Variants in GPC5 observed in about 807,000 individuals in gnomAD.
The protein encoded by GPC5 is glypican-5.
GPC5 carries 47 observed loss-of-function variants against 53.9 expected under a neutral mutation model. That is an observed-to-expected ratio of 0.87 (90% CI 0.69 to 1.11). GPC5 has a LOEUF of 1.11. Among genes scored for constraint, GPC5 ranks in the 50% most tolerant of loss-of-function variants. GPC5 has a pLI of 0.00. For synonymous variants in GPC5, 286 were observed against 263.3 expected (o/e 1.09, Z -0.84); for missense variants, 748 against 713.1 (o/e 1.05, Z -0.56).
intron 5 of GPC5, among the ~76,000 whole-genome samples, chr13:91,870,418 T>C (rs2039131992): frequency 6.6e-6 from 1 of 152,138 alleles, no homozygotes; most frequent in South Asian, 2.1e-4. Flanking sequence ...GGAAACTCAG[T>C]CTCCCTAAGC....
At chr13:92,743,098 G>GT (rs201717388) in intron 7 of GPC5, among the ~76,000 whole-genome samples, 26,015 of 149,390 alleles carry the variant, frequency 0.17, 2,644 homozygotes, top group Non-Finnish European at 0.24. Flanking sequence ...CTTTAAAGTA[G>GT]TTTTTTTTTT....
intron 7 of GPC5, among the ~76,000 whole-genome samples, chr13:92,804,799 C>G (rs932093635): frequency 1.3e-5 from 2 of 152,054 alleles, no homozygotes; most frequent in African/African-American, 4.8e-5. Context: ...TGAAATCAAT[C>G]TTCTCAAACC....
intron 7 of GPC5, among the ~76,000 whole-genome samples, chr13:92,527,170 A>AAGAAAGAG (rs1566276758): frequency 3.0e-5 from 3 of 101,614 alleles, no homozygotes; most frequent in Non-Finnish European, 4.2e-5. Context: ...GAAAGAAAGA[A>AAGAAAGAG]AGAGAAAGAA....
At chr13:91,458,087 A>G (rs1881679323) in intron 2 of GPC5, among the ~76,000 whole-genome samples, 1 of 152,144 alleles carries the variant, frequency 6.6e-6, no homozygotes, top group South Asian at 2.1e-4. Flanking sequence ...TTGGATAATC[A>G]GGGAAGAAGT....
chr13:92,365,632 A>G lies in GPC5; in HGVS notation c.1561+220643A>G, dbSNP rs1381608473. ...TTCTGTCTTTATATCCTTATTCTAC[A>G]ACCTTTTTACTATTTTTAAATTTTT... On this transcript the variant is annotated intron_variant, in intron 7 of 7. Coordinates refer to ENST00000377067, the MANE Select transcript of GPC5 (RefSeq NM_004466.6). 1.3e-5 allele frequency among the ~76,000 whole-genome samples: 2 copies of G among 150,904 alleles called. 1 individual carries two copies. The highest frequency in any genetic ancestry group is 4.9e-5 in the African/African-American group (2 of 40,682).
intron 5 of GPC5, among the ~76,000 whole-genome samples, chr13:91,825,089 A>G (rs2038555951): frequency 6.6e-6 from 1 of 151,902 alleles, no homozygotes; most frequent in Non-Finnish European, 1.5e-5. Flanking sequence ...TAGAGATTTA[A>G]CATATATTTG....
intron 5 of GPC5, among the ~76,000 whole-genome samples, chr13:91,869,757 G>T (rs2039123444): frequency 6.6e-6 from 1 of 152,176 alleles, no homozygotes; most frequent in Non-Finnish European, 1.5e-5. Flanking sequence ...CAGGAGGGAT[G>T]GCTGGGGAGG....
chr13:91,959,280 T>G (rs2040104727), intron 6 of GPC5, among the ~76,000 whole-genome samples: 1 of 151,886 alleles, frequency 6.6e-6, no homozygotes, highest in Admixed American at 6.6e-5. Flanking sequence ...AACAACTATA[T>G]ACTCACAAAC....
intron 7 of GPC5, among the ~76,000 whole-genome samples, chr13:92,497,663 G>A (rs529173446): frequency 2.0e-5 from 3 of 152,118 alleles, no homozygotes; most frequent in African/African-American, 7.2e-5. Flanking sequence ...TAGTTTAGTG[G>A]GAGTAGCACT....
At chr13:91,890,475 C>T (rs1441844635) in intron 5 of GPC5, among the ~76,000 whole-genome samples, 1 of 152,104 alleles carries the variant, frequency 6.6e-6, no homozygotes, top group Non-Finnish European at 1.5e-5. Flanking sequence ...TCTGATCTCA[C>T]ATTGGGGGCA....
intron 7 of GPC5, among the ~76,000 whole-genome samples, chr13:92,497,729 A>T (rs1312815933): frequency 1.3e-5 from 2 of 152,122 alleles, no homozygotes; most frequent in African/African-American, 4.8e-5. Flanking sequence ...GATTCTTCCT[A>T]TCCATGAGGA....
In GPC5 at chr13:92,770,395, A is replaced by G. The variant is rs1256068716; in HGVS notation, c.1562-95887A>G. On this transcript the variant is annotated intron_variant, in intron 7 of 7. Coordinates refer to ENST00000377067, the MANE Select transcript of GPC5 (RefSeq NM_004466.6). ...GCACCACTGTACTCCAGCCTGGGTG[A>G]CCTAGTGAGACCCTGTCTCAAAAAA... Among the ~76,000 whole-genome samples, 10 of 135,598 alleles carry G rather than the reference A, an allele frequency of 7.4e-5. No individual in the cohort carries two copies. In the Admixed American group the frequency reaches 8.2e-4, roughly 11 times the overall value. 89.0% of individuals were successfully genotyped at this position (135,598 alleles called of 152,430 possible). A position where few individuals can be genotyped will look rare whatever the true frequency, so the allele number is the denominator to read the frequency against.
At chr13:91,641,343 C>T (rs2034424813) in intron 2 of GPC5, among the ~76,000 whole-genome samples, 1 of 151,978 alleles carries the variant, frequency 6.6e-6, no homozygotes, top group Non-Finnish European at 1.5e-5. Flanking sequence ...CAAATCAAAA[C>T]AAAACAAAAC....
intron 7 of GPC5, among the ~76,000 whole-genome samples, chr13:92,859,015 G>A (rs1879097067): frequency 6.6e-6 from 1 of 152,124 alleles, no homozygotes; most frequent in Non-Finnish European, 1.5e-5. Context: ...CAAGGCAGGG[G>A]TATCACTTGA....
intron 7 of GPC5, among the ~76,000 whole-genome samples, chr13:92,213,386 G>A (rs777065735): frequency 6.6e-6 from 1 of 151,960 alleles, no homozygotes; most frequent in Non-Finnish European, 1.5e-5. Flanking sequence ...CCAAATATAG[G>A]AGAAAAAAGA....
chr13:91,482,940 A>G (rs1299616997), intron 2 of GPC5, among the ~76,000 whole-genome samples: 1 of 151,820 alleles, frequency 6.6e-6, no homozygotes, highest in Non-Finnish European at 1.5e-5. Context: ...ATTTAGGAGT[A>G]CAGCTGAAAT....
In GPC5 at chr13:92,010,203, T is replaced by TA. The variant is rs566642536; in HGVS notation, c.1401+102147dup. Among the ~76,000 whole-genome samples the TA allele has an allele frequency of 4.4e-4, 67 of 152,348 alleles. No homozygotes were observed. The South Asian group carries it at 0.012, about 28-fold the overall frequency. Reference sequence around the variant, plus strand: ...CTTTCCTGTTTTACATCTGCTTCAATACGTTTATCAGCACTTAACATATCA... The same window carrying TA: ...CTTTCCTGTTTTACATCTGCTTCAATAACGTTTATCAGCACTTAACATATCA... On this transcript the variant is annotated intron_variant, in intron 6 of 7. Coordinates refer to ENST00000377067, the MANE Select transcript of GPC5 (RefSeq NM_004466.6).
At chr13:91,469,746 G>GA (rs1488043890) in intron 2 of GPC5, among the ~76,000 whole-genome samples, 7 of 151,534 alleles carry the variant, frequency 4.6e-5, no homozygotes, top group Non-Finnish European at 7.4e-5. Context: ...TCATCTTTTT[G>GA]AAAAAAAATA....
intron 2 of GPC5, among the ~76,000 whole-genome samples, chr13:91,646,907 A>C (rs1009124338): frequency 3.9e-5 from 6 of 152,208 alleles, no homozygotes; most frequent in Admixed American, 6.5e-5. Context: ...TCTGTAATTC[A>C]AGTTATCAGT....
Sources: allele counts gnomAD v4.1 joint callset (sites outside exome capture counted in the v4.1 genomes callset), GRCh38; gene constraint gnomAD v4.1.1; transcripts MANE v1.5; gene names NCBI Gene and HGNC (gene_info 2026-07-23, HGNC 2026-07-21).